Variants in VWA3A observed in about 807,000 individuals in gnomAD.
VWA3A encodes the protein von Willebrand factor A domain containing 3A.
VWA3A carries 134 observed loss-of-function variants against 160.4 expected under a neutral mutation model. That is an observed-to-expected ratio of 0.84 (90% CI 0.73 to 0.96). The LOEUF (loss-of-function observed/expected upper bound fraction) is 0.96, where lower values mean the gene tolerates loss of function less well. VWA3A is among the 40% of genes least tolerant of loss of function. VWA3A has a pLI of 0.00. For missense variants in VWA3A, 1,310 were observed against 1,447.9 expected (o/e 0.90, Z 1.55); for synonymous variants, 476 against 543.4 (o/e 0.88, Z 1.72).
intron 16 of VWA3A, among the ~76,000 whole-genome samples, chr16:22,125,056 C>T (rs1221964334): frequency 1.3e-5 from 2 of 151,972 alleles, no homozygotes; most frequent in African/African-American, 4.8e-5. Flanking sequence ...ATGTTACTTG[C>T]TCACCTGGTT....
At chr16:22,123,305 T>C (rs1449251351) in intron 15 of VWA3A, 140 bp downstream of exon 15, 1 of 1,104,546 alleles carries the variant, frequency 9.1e-7, no homozygotes. Flanking sequence ...CCTACAGGCC[T>C]CCTGAAGCTT....
At chr16:22,155,499 T>G in intron 31 of VWA3A, 68 bp from the exon 32 acceptor site, 1 of 1,425,666 alleles carries the variant, frequency 7.0e-7, no homozygotes, top group East Asian at 2.3e-5. Context: ...CTAAAATGCT[T>G]TTCCTGAGAT....
intron 1 of VWA3A, among the ~76,000 whole-genome samples, chr16:22,095,712 C>A (rs1355449993): frequency 6.6e-6 from 1 of 151,998 alleles, no homozygotes; most frequent in Non-Finnish European, 1.5e-5. Flanking sequence ...CACATACCAC[C>A]ACACCTGGCT....
At position 22,139,807 on chromosome 16, in the gene VWA3A, G is replaced by T. The variant is rs558017619; in HGVS notation, c.2293-347G>T. On this transcript the variant is annotated intron_variant, in intron 22 of 33. Coordinates refer to ENST00000389398, the MANE Select transcript of VWA3A (RefSeq NM_173615.5). ...CAGACATCCCAGTCCATTAGGAAGAGGGGCAGGTGACTGATGAAAAAAATT... is the reference window on the plus strand; with the variant it reads ...CAGACATCCCAGTCCATTAGGAAGATGGGCAGGTGACTGATGAAAAAAATT... Among the ~76,000 whole-genome samples, 33 of 152,262 alleles carry T rather than the reference G, an allele frequency of 2.2e-4. 1 individual carries two copies. In the South Asian group the frequency reaches 6.7e-3, roughly 31 times the overall value.
At chr16:22,094,857 T>C (rs543747551) in intron 1 of VWA3A, among the ~76,000 whole-genome samples, 38 of 151,300 alleles carry the variant, frequency 2.5e-4, no homozygotes, top group African/African-American at 8.7e-4. Flanking sequence ...ATCCCAGCTA[T>C]GTGGGAGGCT....
intron 16 of VWA3A, 148 bp from the exon 17 acceptor site, chr16:22,126,030 T>C: frequency 9.4e-7 from 1 of 1,065,492 alleles, no homozygotes; most frequent in Non-Finnish European, 1.4e-6. Context: ...CCACATCCGT[T>C]GGCCTCAAAC....
chr16:22,149,802 C>T lies in VWA3A; in HGVS notation c.3000C>T (p.Ser1000=), dbSNP rs748690767. The change falls in exon 29 of 34, where the codon AGC becomes AGT. Residue 1000 remains serine, a synonymous_variant. Coordinates refer to ENST00000389398, the MANE Select transcript of VWA3A (RefSeq NM_173615.5). The stretch of plus-strand genomic sequence containing the variant: ...TCCTCCCCAGTTTTAACCTGCTCAG[C>T]TTTGCAGAGAGCTTTCAGTCATGGC... ...RKCCDSFNLL[S]FAESFQSWQD... is the part of the protein sequence containing the mutation. The T allele has an allele frequency of 1.1e-5, 17 of 1,605,798 alleles. No individual in the cohort carries two copies. The highest frequency in any genetic ancestry group is 1.0e-4 in the Admixed American group (6 of 59,468).
At chr16:22,116,445 G>A in intron 9 of VWA3A, 1 of 446,134 alleles carries the variant, frequency 2.2e-6, no homozygotes, top group Non-Finnish European at 4.2e-6. Flanking sequence ...AAGAGAGAGA[G>A]AGGAGAAGGA....
In VWA3A at chr16:22,141,759, G is replaced by A. The variant is rs537963927; in HGVS notation, c.2494+67G>A. 25 of 1,415,920 alleles carry A rather than the reference G, an allele frequency of 1.8e-5. No homozygotes were observed. The African/African-American group carries it at 3.1e-4, about 18-fold the overall frequency. The allele number at this position is 1,415,920 out of a possible 1,614,324, so 87.7% of individuals were successfully genotyped here. On this transcript the variant is annotated intron_variant, in intron 24 of 33. Coordinates refer to ENST00000389398, the MANE Select transcript of VWA3A (RefSeq NM_173615.5). ...CCTGGGGGAGCTGTAAGGGCAGCAG[G>A]TACCGTGGGAAGGAGACCCCTCCTG...
chr16:22,119,176 A>C, intron 12 of VWA3A, 149 bp downstream of exon 12: 6 of 446,152 alleles, frequency 1.3e-5, no homozygotes, highest in East Asian at 1.0e-4. Flanking sequence ...CCTCCATTGC[A>C]CCCCAGAGCT....
Position 22,148,241 on chromosome 16 carries a change from C to T in VWA3A, c.2919C>T (p.Tyr973=). Residue 973 remains tyrosine, a synonymous_variant, in exon 28 of 34, where the codon TAC becomes TAT. Transcript: ENST00000389398. The stretch of plus-strand genomic sequence containing the variant: ...ACACGTCAGGGTCCATGGGCCCCTA[C>T]CTGCAGCAGGTGAAGACAGAGCTGG... The part of the protein sequence containing the change: ...LLDTSGSMGP[Y]LQQVKTELVL... The T allele has an allele frequency of 6.3e-7, 1 of 1,599,236 alleles. No homozygotes were observed. Among genetic ancestry groups the T allele is most frequent in the Non-Finnish European group, 8.5e-7 (1 of 1,173,210 alleles).
chr16:22,155,413 T>C (rs914111014), intron 31 of VWA3A, among the ~76,000 whole-genome samples, 154 bp from the exon 32 acceptor site: 1 of 152,074 alleles, frequency 6.6e-6, no homozygotes. Flanking sequence ...GGTAGTGAGC[T>C]TCCTGACCCT....
intron 16 of VWA3A, 119 bp downstream of exon 16, chr16:22,123,826 G>A (rs1377623971): frequency 2.1e-6 from 2 of 933,006 alleles, no homozygotes; most frequent in African/African-American, 1.7e-5. Flanking sequence ...TAGGGATTAG[G>A]AATCTCTCAG....
At chr16:22,150,666 A>G in intron 29 of VWA3A, 29 bp from the exon 30 acceptor site, 3 of 1,589,056 alleles carry the variant, frequency 1.9e-6, no homozygotes, top group Non-Finnish European at 2.6e-6. Context: ...CTCTCCCCTG[A>G]GCCTGACAGC....
rs2045976380 is a variant in VWA3A, at chr16:22,133,002, C to T, written c.1975C>T (p.Pro659Ser). Residue 659 changes from proline (P) to serine (S), a missense_variant, in exon 20 of 34, where the codon CCT (proline) becomes TCT (serine). By Grantham distance (74) the Pro-to-Ser change is moderately conservative (BLOSUM62 -1). Transcript: ENST00000389398. Reference protein sequence around the residue: ...VGEPKMDTTPPARYASHTDTA... With the variant: ...VGEPKMDTTPSARYASHTDTA... ...CGAGCCAAAGATGGACACCACACCC[C>T]CTGCCCGCTATGCCAGTCACACTGA... The T allele has an allele frequency of 6.2e-7, 1 of 1,614,034 alleles. No individual in the cohort carries two copies. Among genetic ancestry groups the T allele is most frequent in the Non-Finnish European group, 8.5e-7 (1 of 1,179,904 alleles).
intron 20 of VWA3A, 137 bp from the exon 21 acceptor site, chr16:22,134,231 T>G (rs535239057): frequency 1.2e-5 from 8 of 643,426 alleles, no homozygotes; most frequent in Non-Finnish European, 2.1e-5. Flanking sequence ...GCCTCCCAAA[T>G]GCTGGGATTA....
At position 22,117,301 on chromosome 16, in the gene VWA3A, C is replaced by T. The variant is rs546018247; in HGVS notation, c.990+125C>T. 9.6e-6 allele frequency: 10 copies of T among 1,036,644 alleles called. No individual in the cohort carries two copies. In the East Asian group the frequency reaches 1.8e-4, roughly 19 times the overall value. The allele number at this position is 1,036,644 out of a possible 1,614,324, so 64.2% of individuals were successfully genotyped here. ...TTTCTCCTTTTCTCCTTGTCCCCAC[C>T]TGTATTCAATGAGGTTACACAGGTA... is the stretch of plus-strand genomic sequence containing the variant. On this transcript the variant is annotated intron_variant, in intron 11 of 33. Transcript: ENST00000389398.
intron 19 of VWA3A, 103 bp from the exon 20 acceptor site, chr16:22,132,797 A>T (rs2045971404): frequency 8.9e-7 from 1 of 1,128,714 alleles, no homozygotes; most frequent in African/African-American, 1.5e-5. Context: ...TGGACCAGGC[A>T]CAGAGAAGGC....
Position 22,131,289 on chromosome 16 carries a change from G to C in VWA3A, c.1727+10G>C. The C allele has an allele frequency of 6.2e-7, 1 of 1,613,750 alleles. No individual in the cohort carries two copies. The highest frequency in any genetic ancestry group is 8.5e-7 in the Non-Finnish European group (1 of 1,179,780). ...TACAAAGTGCCTGGCGGTAGGTTATGGGCAGAGACTTCGTGGGGCTGTGTC... is the reference window on the plus strand; with the variant it reads ...TACAAAGTGCCTGGCGGTAGGTTATCGGCAGAGACTTCGTGGGGCTGTGTC... On this transcript the variant is annotated intron_variant, in intron 18 of 33. Transcript: ENST00000389398.
Sources: allele counts gnomAD v4.1 joint callset (sites outside exome capture counted in the v4.1 genomes callset), GRCh38; gene constraint gnomAD v4.1.1; transcripts MANE v1.5; gene names NCBI Gene and HGNC (gene_info 2026-07-23, HGNC 2026-07-21).